Variants in CSMD3 observed in about 807,000 individuals in gnomAD.
CSMD3 encodes the protein CUB and sushi domain-containing protein 3.
In CSMD3, 177 loss-of-function variants were observed where a neutral mutation model predicts 435.2. That is an observed-to-expected ratio of 0.41 (90% CI 0.36 to 0.46). The LOEUF (loss-of-function observed/expected upper bound fraction) is 0.46. Among genes scored for constraint, CSMD3 ranks in the 20% least tolerant of loss-of-function variants. The pLI is 0.34. For missense variants in CSMD3, 4,265 were observed against 4,504.6 expected, an observed-to-expected ratio of 0.95 and a Z score of 1.52; for synonymous variants, 1,656 against 1,520.5, an observed-to-expected ratio of 1.09 and a Z score of -2.07.
chr8:112,783,435 AAG>A, intron 13 of CSMD3, among the ~76,000 whole-genome samples: 1 of 87,102 alleles, frequency 1.1e-5, no homozygotes, highest in Admixed American at 1.1e-4. Flanking sequence ...GGAAGGAAGG[AAG>A]GAAGGAAGGA....
intron 47 of CSMD3, among the ~76,000 whole-genome samples, chr8:112,316,463 C>T (rs1586749033): frequency 1.3e-5 from 2 of 151,538 alleles, no homozygotes; most frequent in East Asian, 1.9e-4. Context: ...TATGTGGCTA[C>T]GACATATTGA....
At chr8:112,380,980 A>T (rs975255224) in intron 37 of CSMD3, among the ~76,000 whole-genome samples, 1 of 152,172 alleles carries the variant, frequency 6.6e-6, no homozygotes, top group Non-Finnish European at 1.5e-5. Context: ...AACTGCCTGT[A>T]TGTACCAGAT....
At chr8:112,996,263 G>A (rs138178227) in intron 6 of CSMD3, among the ~76,000 whole-genome samples, 15 of 151,354 alleles carry the variant, frequency 9.9e-5, no homozygotes, top group Middle Eastern at 3.4e-3. Context: ...CCCAACCTCC[G>A]ACCCTAGCCC....
intron 22 of CSMD3, among the ~76,000 whole-genome samples, chr8:112,610,604 T>A (rs541672273): frequency 6.6e-6 from 1 of 152,192 alleles, no homozygotes; most frequent in Non-Finnish European, 1.5e-5. Flanking sequence ...TAAATAAATG[T>A]CCAAAGACCA....
rs944912452 is a variant in CSMD3, at chr8:113,139,544, A to G, written c.709+34178T>C. Among the ~76,000 whole-genome samples, 7 of 151,110 alleles carry G rather than the reference A, an allele frequency of 4.6e-5. No individual in the cohort carries two copies. In the Admixed American group the frequency reaches 4.6e-4, roughly 10 times the overall value. On this transcript the variant is annotated intron_variant, in intron 4 of 70. Coordinates refer to ENST00000297405, the MANE Select transcript of CSMD3 (RefSeq NM_198123.2). ...CATAGCCGTGATAAATTATGTAAATATAATGCAATACCTAGAGCAACCACT... is the reference window on the plus strand; with the variant it reads ...CATAGCCGTGATAAATTATGTAAATGTAATGCAATACCTAGAGCAACCACT...
chr8:113,397,078 T>C (rs1485312895), intron 1 of CSMD3, among the ~76,000 whole-genome samples: 1 of 152,182 alleles, frequency 6.6e-6, no homozygotes, highest in Admixed American at 6.5e-5. Context: ...TAAGTTTCTA[T>C]AGGAACTGGA....
At chr8:112,410,574 GTATA>G (rs1225168263) in intron 32 of CSMD3, among the ~76,000 whole-genome samples, 6 of 108,224 alleles carry the variant, frequency 5.5e-5, no homozygotes, top group Non-Finnish European at 1.1e-4. Context: ...ATTGTACTAT[GTATA>G]TACATACATA....
intron 27 of CSMD3, among the ~76,000 whole-genome samples, chr8:112,517,917 T>C (rs1045006288): frequency 1.3e-5 from 2 of 152,120 alleles, no homozygotes; most frequent in Admixed American, 1.3e-4. Context: ...TCTTGAACAT[T>C]TATCCAAAAG....
chr8:113,258,479 G>A (rs1473618106), intron 3 of CSMD3, among the ~76,000 whole-genome samples: 2 of 152,134 alleles, frequency 1.3e-5, no homozygotes, highest in Non-Finnish European at 2.9e-5. Context: ...GTTTCATGTG[G>A]CTATAATCTG....
At chr8:113,019,745 T>C (rs1326357090) in intron 5 of CSMD3, among the ~76,000 whole-genome samples, 1 of 151,984 alleles carries the variant, frequency 6.6e-6, no homozygotes, top group Admixed American at 6.6e-5. Context: ...CTCCCTCCTA[T>C]CCACTTAATG....
In CSMD3 at chr8:113,400,016, G is replaced by A. The variant is rs960504576; in HGVS notation, c.178+36661C>T. 7.9e-5 allele frequency among the ~76,000 whole-genome samples: 12 copies of A among 151,674 alleles called. No homozygotes were observed. In the East Asian group the frequency reaches 2.1e-3, roughly 27 times the overall value. On this transcript the variant is annotated intron_variant, in intron 1 of 70. Coordinates refer to ENST00000297405, the MANE Select transcript of CSMD3 (RefSeq NM_198123.2). ...ATTTTAAATAACAACTTATGGGAAT[G>A]TTATGAAAGGCAATGGTGACAGAGT...
intron 1 of CSMD3, among the ~76,000 whole-genome samples, chr8:113,383,899 C>A (rs1413033324): frequency 2.6e-5 from 4 of 152,116 alleles, no homozygotes; most frequent in African/African-American, 9.7e-5. Flanking sequence ...CTCACTTGGT[C>A]CCTCTGATTT....
At chr8:113,257,886 T>C (rs1479287823) in intron 3 of CSMD3, among the ~76,000 whole-genome samples, 1 of 152,030 alleles carries the variant, frequency 6.6e-6, no homozygotes, top group African/African-American at 2.4e-5. Flanking sequence ...AATAACACAC[T>C]AAGAAAAAAA....
chr8:113,060,736 A>G (rs1446413392), intron 5 of CSMD3, among the ~76,000 whole-genome samples: 2 of 152,118 alleles, frequency 1.3e-5, no homozygotes, highest in African/African-American at 4.8e-5. Flanking sequence ...GGTTGTCTCA[A>G]AAGATATTGC....
intron 18 of CSMD3, among the ~76,000 whole-genome samples, chr8:112,655,583 G>T (rs1175067304): frequency 3.9e-5 from 6 of 151,950 alleles, no homozygotes; most frequent in Non-Finnish European, 7.4e-5. Flanking sequence ...TTTAATAGGG[G>T]TTATAATGAT....
intron 10 of CSMD3, among the ~76,000 whole-genome samples, chr8:112,878,755 G>C (rs1449325574): frequency 6.6e-6 from 1 of 152,152 alleles, no homozygotes; most frequent in East Asian, 1.9e-4. Context: ...ATGAGTTCAT[G>C]TCCTTTGCTG....
intron 32 of CSMD3, among the ~76,000 whole-genome samples, chr8:112,412,521 C>T (rs1370840912): frequency 6.6e-6 from 1 of 152,014 alleles, no homozygotes; most frequent in Non-Finnish European, 1.5e-5. Flanking sequence ...AAGGGAAACA[C>T]TACTCATTTT....
chr8:113,106,343 A>G (rs543112953), intron 4 of CSMD3, among the ~76,000 whole-genome samples: 1 of 152,122 alleles, frequency 6.6e-6, no homozygotes, highest in Non-Finnish European at 1.5e-5. Context: ...AAAATACTCA[A>G]TGGGCCTCAT....
At chr8:113,379,391 T>A (rs1333859666) in intron 1 of CSMD3, among the ~76,000 whole-genome samples, 3 of 152,152 alleles carry the variant, frequency 2.0e-5, no homozygotes, top group African/African-American at 7.2e-5. Context: ...ATAATAATAT[T>A]CCACAAGGCA....
Sources: gnomAD v4.1 joint callset for allele counts (sites outside exome capture counted in the v4.1 genomes callset) on GRCh38, gnomAD v4.1.1 for gene constraint, MANE v1.5 for transcripts, NCBI Gene and HGNC (gene_info 2026-07-23, HGNC 2026-07-21) for gene names.